Variants in ANKRD30BL observed in about 807,000 individuals in gnomAD.
The protein encoded by ANKRD30BL is ankyrin repeat domain 30B like, also known as putative ankyrin repeat domain-containing protein 30B-like.
A neutral mutation model predicts 18.4 loss-of-function variants in ANKRD30BL; 20 were observed. The ratio of observed to expected loss-of-function variants is 1.09; its 90% CI spans 0.77 to 1.58. The LOEUF is 1.58. Ranked by LOEUF, ANKRD30BL falls within the 40% of genes most tolerant of loss-of-function variation. The probability of loss-of-function intolerance (pLI) is 0.00; values close to 1 mark genes in which losing one functional copy is unlikely to be tolerated. For synonymous variants in ANKRD30BL, 72 were observed against 100.9 expected (o/e 0.71, Z 1.72); for missense variants, 224 against 268.6 (o/e 0.83, Z 1.16).
chr2:132,194,364 C>G (rs1173599794), intron 1 of ANKRD30BL, among the ~76,000 whole-genome samples: 8 of 152,170 alleles, frequency 5.3e-5, no homozygotes, highest in African/African-American at 1.9e-4. Flanking sequence ...ATGCAGGTAT[C>G]CTGAATCAGA....
intron 1 of ANKRD30BL, among the ~76,000 whole-genome samples, chr2:132,253,665 A>G (rs1341984219): frequency 6.6e-6 from 1 of 151,828 alleles, no homozygotes; most frequent in Non-Finnish European, 1.5e-5. Flanking sequence ...AGGGGAGGCG[A>G]GGGAGGGGCG....
chr2:132,239,358 C>T lies in ANKRD30BL; in HGVS notation n.441+18171G>A, dbSNP rs565334243. 2.0e-5 allele frequency among the ~76,000 whole-genome samples: 3 copies of T among 152,096 alleles called. No individual in the cohort carries two copies. The South Asian group carries it at 6.2e-4, about 32-fold the overall frequency. On this transcript the variant is annotated intron_variant and non_coding_transcript_variant, in intron 1 of 4. Transcript: ENST00000470729. The stretch of plus-strand genomic sequence containing the variant: ...TTCTTTGTGATGCTTGAATTCAACT[C>T]ACAGGGTTCAACATTCCTTTTCATA...
intron 1 of ANKRD30BL, among the ~76,000 whole-genome samples, chr2:132,196,373 A>G (rs1678970084): frequency 6.6e-6 from 1 of 152,084 alleles, no homozygotes; most frequent in Non-Finnish European, 1.5e-5. Context: ...GAGAATTGAT[A>G]GAACCCTGGG....
intron 1 of ANKRD30BL, among the ~76,000 whole-genome samples, chr2:132,226,624 C>T (rs936544833): frequency 2.6e-5 from 4 of 151,586 alleles, no homozygotes; most frequent in Non-Finnish European, 4.4e-5. Flanking sequence ...AGTTTTGAAC[C>T]TCTTTTTTTG....
chr2:132,192,666 C>T (rs1327418644), intron 1 of ANKRD30BL, among the ~76,000 whole-genome samples: 21 of 152,236 alleles, frequency 1.4e-4, no homozygotes, highest in Admixed American at 4.6e-4. Flanking sequence ...CCTCATGTCA[C>T]CCACCATGTT....
chr2:132,240,874 T>A (rs10201215), intron 1 of ANKRD30BL, among the ~76,000 whole-genome samples: 3,520 of 152,092 alleles, frequency 0.023, 122 homozygotes, highest in African/African-American at 0.081. Flanking sequence ...GAAACTTCTT[T>A]ATGATGTGTT....
intron 1 of ANKRD30BL, among the ~76,000 whole-genome samples, chr2:132,230,196 C>T (rs6712620): frequency 0.046 from 7,029 of 152,142 alleles, 551 homozygotes; most frequent in African/African-American, 0.16. Flanking sequence ...CTTCAACTCA[C>T]AGAGTTGAAT....
At chr2:132,244,524 T>A (rs1346621520) in intron 1 of ANKRD30BL, among the ~76,000 whole-genome samples, 1 of 152,286 alleles carries the variant, frequency 6.6e-6, no homozygotes, top group African/African-American at 2.4e-5. Context: ...GAAAAACAGT[T>A]TTTGTAGAAT....
rs567712116 is a variant in ANKRD30BL, at chr2:132,229,071, T to C, written n.441+28458A>G. Among the ~76,000 whole-genome samples, 11 of 152,218 alleles carry C rather than the reference T, an allele frequency of 7.2e-5. No homozygotes were observed. In the South Asian group the frequency reaches 1.0e-3, roughly 14 times the overall value. ...TTTTTGTATAATCTCTAAGTGGACA[T>C]TTGAAGGGCGTTCAGGCCTATGGTG... On this transcript the variant is annotated intron_variant and non_coding_transcript_variant, in intron 1 of 4. Transcript: ENST00000470729.
chr2:132,200,630 C>G (rs1679079123), intron 1 of ANKRD30BL, among the ~76,000 whole-genome samples: 1 of 152,132 alleles, frequency 6.6e-6, no homozygotes, highest in Non-Finnish European at 1.5e-5. Flanking sequence ...AACCACTGCT[C>G]AAGGAAATAA....
intron 1 of ANKRD30BL, among the ~76,000 whole-genome samples, chr2:132,236,722 C>T (rs1359414066): frequency 6.6e-6 from 1 of 152,116 alleles, no homozygotes; most frequent in Non-Finnish European, 1.5e-5. Flanking sequence ...TGTGGTGATC[C>T]CTCAGGGATC....
upstream of ANKRD30BL, among the ~76,000 whole-genome samples, chr2:132,162,139 C>G (rs535297807): frequency 1.3e-5 from 2 of 152,120 alleles, no homozygotes; most frequent in Non-Finnish European, 2.9e-5. Context: ...AGAGCTGCCC[C>G]TGTCCCCTCC....
intron 4 of ANKRD30BL, among the ~76,000 whole-genome samples, chr2:132,153,153 C>G (rs940523994): frequency 2.0e-5 from 3 of 151,952 alleles, no homozygotes; most frequent in African/African-American, 4.8e-5. Context: ...CCATTTCTGC[C>G]CCCACCGCCA....
chr2:132,258,011 C>A (rs77267587), upstream of ANKRD30BL: 1 of 152,830 alleles, frequency 6.5e-6, no homozygotes, highest in East Asian at 1.9e-4. Flanking sequence ...CGTGCGCAGC[C>A]GCCAGAGGGG....
chr2:132,197,727 G>A (rs1045141725), intron 1 of ANKRD30BL, among the ~76,000 whole-genome samples: 31 of 151,754 alleles, frequency 2.0e-4, no homozygotes, highest in African/African-American at 7.2e-4. Flanking sequence ...CAGGATAAAT[G>A]TTAAAATTTG....
chr2:132,200,620 AACC>A (rs1679078667), intron 1 of ANKRD30BL, among the ~76,000 whole-genome samples: 1 of 152,208 alleles, frequency 6.6e-6, no homozygotes, highest in South Asian at 2.1e-4. Flanking sequence ...GAGAACTACA[AACC>A]ACTGCTCAAG....
At chr2:132,208,680 G>C (rs1365547750) in intron 1 of ANKRD30BL, among the ~76,000 whole-genome samples, 10 of 151,344 alleles carry the variant, frequency 6.6e-5, no homozygotes, top group Admixed American at 6.6e-4. Context: ...AGGAAAAGGA[G>C]ATAAGTGTAT....
chr2:132,188,569 G>T (rs868588273), intron 1 of ANKRD30BL, among the ~76,000 whole-genome samples: 6 of 152,112 alleles, frequency 3.9e-5, no homozygotes, highest in Admixed American at 6.5e-5. Flanking sequence ...AATTAGCCGG[G>T]CATGGTGGCA....
chr2:132,163,710 G>C (rs1181974945), upstream of ANKRD30BL, among the ~76,000 whole-genome samples: 1 of 152,160 alleles, frequency 6.6e-6, no homozygotes, highest in East Asian at 1.9e-4. Flanking sequence ...CCAAGTCAAG[G>C]GATGGGTCCC....
Sources: allele counts gnomAD v4.1 joint callset (sites outside exome capture counted in the v4.1 genomes callset), GRCh38; gene constraint gnomAD v4.1.1; transcripts MANE v1.5; gene names NCBI Gene and HGNC (gene_info 2026-07-23, HGNC 2026-07-21).